The following OSBPL5 variants were observed in gnomAD, a reference collection of about 807,000 sequenced individuals.
The protein encoded by OSBPL5 is oxysterol-binding protein-related protein 5.
In OSBPL5, 71 loss-of-function variants were observed where a neutral mutation model predicts 111.2. That is an observed-to-expected ratio of 0.64 (90% CI 0.53 to 0.78). The LOEUF (loss-of-function observed/expected upper bound fraction) is 0.78, where lower values mean the gene tolerates loss of function less well. Among genes scored for constraint, OSBPL5 ranks in the 30% least tolerant of loss-of-function variants. OSBPL5 has a pLI of 0.00. For missense variants in OSBPL5, 1,210 were observed against 1,189.3 expected, an observed-to-expected ratio of 1.02 and a Z score of -0.26; for synonymous variants, 549 against 513.9, an observed-to-expected ratio of 1.07 and a Z score of -0.93.
intron 1 of OSBPL5, among the ~76,000 whole-genome samples, chr11:3,143,401 C>T (rs942917393): frequency 3.3e-5 from 5 of 152,190 alleles, no homozygotes; most frequent in African/African-American, 7.2e-5. Flanking sequence ...GGTCCGCGCA[C>T]GCACGCTCCC....
Position 3,103,227 on chromosome 11 carries a change from GC to G in OSBPL5, c.1326+11del. 6.3e-7 allele frequency: 1 copy of G among 1,590,950 alleles called. No individual in the cohort carries two copies. The highest frequency in any genetic ancestry group is 8.6e-7 in the Non-Finnish European group (1 of 1,167,948). On this transcript the variant is annotated intron_variant, in intron 11 of 21. Coordinates refer to ENST00000263650, the MANE Select transcript of OSBPL5 (RefSeq NM_020896.4). ...GCCGGAGCCCCACCCTCCCTGGCTG[GC>G]AGGGGCTCACCTTGGGCTTCTTGTA...
chr11:3,157,904 G>A (rs368733938), intron 1 of OSBPL5, among the ~76,000 whole-genome samples: 2 of 152,222 alleles, frequency 1.3e-5, no homozygotes, highest in African/African-American at 2.4e-5. Context: ...CACGGCAGCC[G>A]TGTGTGTTCA....
At position 3,155,477 on chromosome 11, in the gene OSBPL5, C is replaced by T. The variant is rs532471581; in HGVS notation, c.-22+9739G>A. Among the ~76,000 whole-genome samples, 3 of 148,822 alleles carry T rather than the reference C, an allele frequency of 2.0e-5. No homozygotes were observed. In the East Asian group the frequency reaches 6.0e-4, roughly 30 times the overall value. On this transcript the variant is annotated intron_variant, in intron 1 of 21. Transcript: ENST00000263650. ...CACCCTAGCTCTGCCACTCACTCCCCCCAGCTTTGCCACTCCCCCCAGCTC... is the reference window on the plus strand; with the variant it reads ...CACCCTAGCTCTGCCACTCACTCCCTCCAGCTTTGCCACTCCCCCCAGCTC...
Position 3,089,956 on chromosome 11 carries a change from G to T in OSBPL5, c.2399-8C>A, listed in dbSNP as rs767494448. On this transcript the variant is annotated splice_polypyrimidine_tract_variant and splice_region_variant and intron_variant, in intron 20 of 21. Coordinates refer to ENST00000263650, the MANE Select transcript of OSBPL5 (RefSeq NM_020896.4). ...GGCATGGGCTCTCACCGCCTGGGACGGCCCCGAGTGAGACAAAGGAGGGGA... is the reference window on the plus strand; with the variant it reads ...GGCATGGGCTCTCACCGCCTGGGACTGCCCCGAGTGAGACAAAGGAGGGGA... 4 of 1,527,030 alleles carry T rather than the reference G, an allele frequency of 2.6e-6. No homozygotes were observed. Among genetic ancestry groups the T allele is most frequent in the Non-Finnish European group, 3.5e-6 (4 of 1,133,740 alleles). The allele number at this position is 1,527,030 out of a possible 1,614,324, so 94.6% of individuals were successfully genotyped here.
chr11:3,110,494 G>C lies in OSBPL5; in HGVS notation c.692-2549C>G, dbSNP rs12225925. ...GCACTTTCTTGCTGGCAGTTTGCCT[G>C]TGCCTCAGTTTCCTGACCTGTCTAA... On this transcript the variant is annotated intron_variant, in intron 7 of 21. Coordinates refer to ENST00000263650, the MANE Select transcript of OSBPL5 (RefSeq NM_020896.4). The surrounding 1 kb of genome is among the most constrained non-coding windows in gnomAD (Gnocchi z 5.3). Among the ~76,000 whole-genome samples, 709 of 152,324 alleles carry C rather than the reference G, an allele frequency of 4.7e-3. 43 individuals are homozygous for C. In the East Asian group the frequency reaches 0.12, roughly 26 times the overall value.
At chr11:3,147,327 G>C (rs2134529855) in intron 1 of OSBPL5, among the ~76,000 whole-genome samples, 2 of 152,362 alleles carry the variant, frequency 1.3e-5, no homozygotes, top group South Asian at 4.1e-4. Flanking sequence ...CACAGGGCTT[G>C]CCATGGGCCT....
Position 3,107,620 on chromosome 11 carries a change from C to G in OSBPL5, c.866+151G>C. ...TCAGCCCCGTTTTAGAGGAAGGAAC[C>G]GAGGCTCCCAGGGCACACTGCAGCG... is the stretch of plus-strand genomic sequence containing the variant. On this transcript the variant is annotated intron_variant, in intron 8 of 21. Coordinates refer to ENST00000263650, the MANE Select transcript of OSBPL5 (RefSeq NM_020896.4). This position sits in a 1 kb window ranked among gnomAD's most constrained non-coding sequence, Gnocchi z 6.1. The G allele has an allele frequency of 7.4e-7, 1 of 1,353,592 alleles. No homozygotes were observed. The highest frequency in any genetic ancestry group is 1.0e-6 in the Non-Finnish European group (1 of 984,282). 83.8% of individuals were successfully genotyped at this position (1,353,592 alleles called of 1,614,324 possible).
At position 3,154,151 on chromosome 11, in the gene OSBPL5, G is replaced by C. The variant is rs1270182939; in HGVS notation, c.-22+11065C>G. Among the ~76,000 whole-genome samples the C allele has an allele frequency of 6.6e-6, 1 of 152,264 alleles. No individual in the cohort carries two copies. ...GTGTGGTGTCCAGAGAGCTGCTGTA[G>C]GAGGTGTTTGCTAGACTGGGCCAGA... On this transcript the variant is annotated intron_variant, in intron 1 of 21. Coordinates refer to ENST00000263650, the MANE Select transcript of OSBPL5 (RefSeq NM_020896.4). This position sits in a 1 kb window ranked among gnomAD's most constrained non-coding sequence, Gnocchi z 4.9.
Position 3,106,451 on chromosome 11 carries a change from C to G in OSBPL5, c.1059+812G>C, listed in dbSNP as rs1286607112. Among the ~76,000 whole-genome samples, 2 of 151,874 alleles carry G rather than the reference C, an allele frequency of 1.3e-5. No individual in the cohort carries two copies. The highest frequency in any genetic ancestry group is 2.9e-5 in the Non-Finnish European group (2 of 67,940). ...CAGAGCCCGGCTTCCTCAGCCTGCA[C>G]CCGTCACCCAGCGGAAGCTTAGATC... On this transcript the variant is annotated intron_variant, in intron 9 of 21. Coordinates refer to ENST00000263650, the MANE Select transcript of OSBPL5 (RefSeq NM_020896.4). The surrounding 1 kb of genome is among the most constrained non-coding windows in gnomAD (Gnocchi z 8.4).
chr11:3,097,071 ATGG>A (rs1857292573), intron 14 of OSBPL5, among the ~76,000 whole-genome samples: 1 of 68,042 alleles, frequency 1.5e-5, no homozygotes, highest in Non-Finnish European at 3.0e-5. Context: ...AAGGGGGAAG[ATGG>A]AAGGAGGAGA....
chr11:3,148,085 AC>A (rs1846423539), intron 1 of OSBPL5, among the ~76,000 whole-genome samples: 1 of 152,042 alleles, frequency 6.6e-6, no homozygotes, highest in Admixed American at 6.6e-5. Flanking sequence ...CTCTCCCTGC[AC>A]CCCCAGTGCC....
intron 1 of OSBPL5, among the ~76,000 whole-genome samples, chr11:3,157,224 C>G (rs932638748): frequency 7.9e-5 from 12 of 152,204 alleles, no homozygotes; most frequent in African/African-American, 2.9e-4. Context: ...TTCCCGAGCA[C>G]GTGGGAAAAA....
intron 7 of OSBPL5, among the ~76,000 whole-genome samples, chr11:3,116,418 G>A (rs1858209258): frequency 6.6e-6 from 1 of 152,156 alleles, no homozygotes; most frequent in African/African-American, 2.4e-5. Context: ...AACTCTAACA[G>A]GTGCTCTTGA....
Position 3,141,267 on chromosome 11 carries a change from G to A in OSBPL5, c.-21-12098C>T, listed in dbSNP as rs1247418075. 2.0e-5 allele frequency among the ~76,000 whole-genome samples: 3 copies of A among 152,118 alleles called. No homozygotes were observed. Among genetic ancestry groups the A allele is most frequent in the African/African-American group, 7.2e-5 (3 of 41,424 alleles). ...CGAGTCGTGATTGCTCCTGGACAAT[G>A]CACAGCGTCCTTTGACCAAGCGCCT... On this transcript the variant is annotated intron_variant, in intron 1 of 21. Transcript: ENST00000263650. This position sits in a 1 kb window ranked among gnomAD's most constrained non-coding sequence, Gnocchi z 6.5.
rs1858641389 is a variant in OSBPL5, at chr11:3,126,713, G to C, written c.137-158C>G. 1 of 550,468 alleles carries C rather than the reference G, an allele frequency of 1.8e-6. No individual in the cohort carries two copies. Among genetic ancestry groups the C allele is most frequent in the Non-Finnish European group, 3.2e-6 (1 of 312,490 alleles). The allele number at this position is 550,468 out of a possible 1,614,324, so 34.1% of individuals were successfully genotyped here. On this transcript the variant is annotated intron_variant, in intron 2 of 21. Coordinates refer to ENST00000263650, the MANE Select transcript of OSBPL5 (RefSeq NM_020896.4). This position sits in a 1 kb window ranked among gnomAD's most constrained non-coding sequence, Gnocchi z 6.5. ...GTGGCAGGAACAGGACACTGCCTGAGAGGTGTAATAAACGCCAGCAAGCGT... is the reference window on the plus strand; with the variant it reads ...GTGGCAGGAACAGGACACTGCCTGACAGGTGTAATAAACGCCAGCAAGCGT...
Position 3,126,527 on chromosome 11 carries a change from C to T in OSBPL5, c.165G>A (p.Ser55=), listed in dbSNP as rs190084434. Residue 55 remains serine (S), a synonymous_variant, in exon 3 of 22, where the codon TCG becomes TCA. Transcript: ENST00000263650. This position sits in a 1 kb window ranked among gnomAD's most constrained non-coding sequence, Gnocchi z 6.5. ...PGKDMEPNGP[S]LPRDEGPPTP... ...TCGGGGGCCCTTCATCCCTGGGCAG[C>T]GACGGGCCGTTGGGCTCCATGTCCT... The T allele has an allele frequency of 1.9e-4, 312 of 1,608,694 alleles. No homozygotes were observed. In the Admixed American group the frequency reaches 5.0e-3, roughly 26 times the overall value.
At chr11:3,135,978 T>G (rs896980311) in intron 1 of OSBPL5, among the ~76,000 whole-genome samples, 1 of 152,168 alleles carries the variant, frequency 6.6e-6, no homozygotes, top group Admixed American at 6.5e-5. Flanking sequence ...CTTCCTTCCA[T>G]TTCTCATGTG....
At chr11:3,155,995 G>A (rs1846747507) in intron 1 of OSBPL5, among the ~76,000 whole-genome samples, 1 of 152,252 alleles carries the variant, frequency 6.6e-6, no homozygotes, top group South Asian at 2.1e-4. Flanking sequence ...GAGAGGCCCT[G>A]GCAAACATCT....
In OSBPL5 at chr11:3,115,572, T is replaced by C. The variant is rs779841319; in HGVS notation, c.691+3975A>G. 2.1e-4 allele frequency among the ~76,000 whole-genome samples: 32 copies of C among 152,320 alleles called. 1 individual carries two copies. Among genetic ancestry groups the C allele is most frequent in the Admixed American group, 3.9e-4 (6 of 15,296 alleles). ...CAGAAGAGATAGACATGTGAGATTGTAAGGGCTGACTTTGAGAGATAAAGT... is the reference window on the plus strand; with the variant it reads ...CAGAAGAGATAGACATGTGAGATTGCAAGGGCTGACTTTGAGAGATAAAGT... On this transcript the variant is annotated intron_variant, in intron 7 of 21. Transcript: ENST00000263650.
Sources: gnomAD v4.1 joint callset for allele counts (sites outside exome capture counted in the v4.1 genomes callset) on GRCh38, gnomAD v4.1.1 for gene constraint, Gnocchi (gnomAD v3.1) non-coding constraint, MANE v1.5 for transcripts, NCBI Gene and HGNC (gene_info 2026-07-23, HGNC 2026-07-21) for gene names.